BAZ1B: variants seen among roughly 807,000 people sequenced by gnomAD.
BAZ1B encodes the protein bromodomain adjacent to zinc finger domain 1B.
BAZ1B carries 22 observed loss-of-function variants against 153.8 expected under a neutral mutation model. The observed-to-expected ratio is 0.14, with a 90% CI of 0.10 to 0.20. The LOEUF is 0.20. Among genes scored for constraint, BAZ1B ranks in the 10% least tolerant of loss-of-function variants. BAZ1B has a pLI of 1.00. For synonymous variants in BAZ1B, 676 were observed against 633.4 expected, an observed-to-expected ratio of 1.07 and a Z score of -1.01; for missense variants, 1,325 against 1,799.3, an observed-to-expected ratio of 0.74 and a Z score of 4.77.
chr7:73,508,939 G>C (rs1342526078), intron 2 of BAZ1B, among the ~76,000 whole-genome samples: 2 of 151,798 alleles, frequency 1.3e-5, no homozygotes, highest in African/African-American at 4.8e-5. Context: ...CATGAACCCA[G>C]GAAGCGGAGC....
intron 4 of BAZ1B, among the ~76,000 whole-genome samples, chr7:73,493,390 G>C (rs561313268): frequency 1.2e-4 from 18 of 152,096 alleles, no homozygotes; most frequent in African/African-American, 4.1e-4. Context: ...AACCCGGGAG[G>C]CAGAGGTTGC....
At chr7:73,483,491 T>G (rs1177554747) in intron 6 of BAZ1B, among the ~76,000 whole-genome samples, 4 of 152,224 alleles carry the variant, frequency 2.6e-5, no homozygotes, top group African/African-American at 9.6e-5. Context: ...ATTAGCAAGT[T>G]TGCAAAATTT....
chr7:73,478,790 G>C (rs1789089841), intron 6 of BAZ1B, among the ~76,000 whole-genome samples: 2 of 152,064 alleles, frequency 1.3e-5, no homozygotes, highest in South Asian at 4.1e-4. Context: ...CTTAATACTA[G>C]ACATTTTTGC....
intron 12 of BAZ1B, 94 bp downstream of exon 12, chr7:73,462,828 G>A: frequency 7.5e-7 from 1 of 1,327,492 alleles, no homozygotes; most frequent in South Asian, 1.2e-5. Context: ...TGATTTCCAG[G>A]AGGGTCATGT....
intron 1 of BAZ1B, among the ~76,000 whole-genome samples, chr7:73,511,396 G>A (rs1201364504): frequency 6.6e-6 from 1 of 151,974 alleles, no homozygotes; most frequent in Non-Finnish European, 1.5e-5. Context: ...AGACTGGGAT[G>A]ATCACGTCTC....
At chr7:73,507,650 A>C (rs1194095978) in intron 3 of BAZ1B, among the ~76,000 whole-genome samples, 1 of 152,228 alleles carries the variant, frequency 6.6e-6, no homozygotes, top group East Asian at 1.9e-4. Context: ...CAGTACAACA[A>C]AGTGTTGCAA....
chr7:73,466,409 A>G lies in BAZ1B; in HGVS notation c.2867-8T>C, dbSNP rs1554571171. 1.3e-6 allele frequency: 2 copies of G among 1,595,072 alleles called. No individual in the cohort carries two copies. The highest frequency in any genetic ancestry group is 1.1e-5 in the South Asian group (1 of 90,706). ...CTAAGTTTGCTTTCTTACCTAAGAA[A>G]AATTGAGACATTAGGTTGACTTTAG... On this transcript the variant is annotated splice_polypyrimidine_tract_variant and splice_region_variant and intron_variant, in intron 9 of 19. Transcript: ENST00000339594.
intron 4 of BAZ1B, among the ~76,000 whole-genome samples, chr7:73,494,591 C>CA (rs1235659668): frequency 7.3e-5 from 11 of 151,184 alleles, no homozygotes; most frequent in African/African-American, 2.2e-4. Context: ...AACAAACAAA[C>CA]AAAAAAAATT....
intron 6 of BAZ1B, among the ~76,000 whole-genome samples, chr7:73,487,289 G>A (rs192311647): frequency 3.5e-4 from 53 of 152,246 alleles, no homozygotes; most frequent in Non-Finnish European, 5.6e-4. Context: ...TCAGCTGGGC[G>A]TGGTGGTACG....
intron 13 of BAZ1B, among the ~76,000 whole-genome samples, chr7:73,456,500 T>C (rs1788204542): frequency 6.6e-6 from 1 of 152,172 alleles, no homozygotes; most frequent in African/African-American, 2.4e-5. Context: ...CTTGAATATA[T>C]ATTTCTCCAA....
chr7:73,519,018 C>A (rs952268338), intron 1 of BAZ1B, among the ~76,000 whole-genome samples: 41 of 152,242 alleles, frequency 2.7e-4, no homozygotes, highest in Admixed American at 2.4e-3. Context: ...TAGTGTCCTG[C>A]CTGTGGGAAT....
chr7:73,477,724 C>A lies in BAZ1B; in HGVS notation c.1737G>T (p.Arg579=), dbSNP rs1401631236. The A allele has an allele frequency of 2.5e-6, 4 of 1,614,066 alleles. No individual in the cohort carries two copies. Among genetic ancestry groups the A allele is most frequent in the Non-Finnish European group, 3.4e-6 (4 of 1,180,048 alleles). The part of the protein sequence containing the change: ...EMLERLEKQK[R]YEDQELTGKN... ...TGCCAGTTAACTCTTGGTCCTCATA[C>A]CGCTTCTGTTTTTCTAATCTCTCAA... The change falls in exon 7 of 20, where the codon CGG becomes CGT. Residue 579 remains arginine (R), a synonymous_variant. Coordinates refer to ENST00000339594, the MANE Select transcript of BAZ1B (RefSeq NM_032408.4). The surrounding 1 kb of genome is among the most constrained non-coding windows in gnomAD (Gnocchi z 5.6).
intron 13 of BAZ1B, among the ~76,000 whole-genome samples, chr7:73,455,315 G>C (rs1200021006): frequency 1.3e-5 from 2 of 152,042 alleles, no homozygotes; most frequent in Non-Finnish European, 2.9e-5. Flanking sequence ...CTAAAATTAG[G>C]GACAATATTC....
chr7:73,474,679 G>A (rs1252283660), intron 7 of BAZ1B, among the ~76,000 whole-genome samples: 4 of 152,296 alleles, frequency 2.6e-5, no homozygotes, highest in East Asian at 1.9e-4. Context: ...GGAGGCTGAG[G>A]CAAGAGAATC....
chr7:73,469,570 T>A lies in BAZ1B; in HGVS notation c.2813A>T (p.Asn938Ile), dbSNP rs148624424. ...WVHDSIDYRFNHHCKDHTVSG... is the reference protein window; with the variant it reads ...WVHDSIDYRFIHHCKDHTVSG... ...GACTGTGTGGTCTTTGCAGTGATGG[T>A]TGAATCGGTAGTCAATGCTGTCATG... Residue 938 changes from asparagine to isoleucine, a missense_variant, in exon 9 of 20, where the codon AAC (asparagine) becomes ATC (isoleucine). By Grantham distance (149) the Asn-to-Ile change is moderately radical. Coordinates refer to ENST00000339594, the MANE Select transcript of BAZ1B (RefSeq NM_032408.4). 6.2e-7 allele frequency: 1 copy of A among 1,614,162 alleles called. No homozygotes were observed. The highest frequency in any genetic ancestry group is 1.3e-5 in the African/African-American group (1 of 75,044).
chr7:73,510,961 T>C (rs1247152740), intron 1 of BAZ1B, 109 bp from the exon 2 acceptor site: 12 of 883,254 alleles, frequency 1.4e-5, no homozygotes, highest in Non-Finnish European at 2.0e-5. Context: ...TTAAAATGTG[T>C]AGCATGAGAG....
rs535601562 is a variant in BAZ1B, at chr7:73,450,608, G to T, written c.3580+239C>A. Among the ~76,000 whole-genome samples, 4 of 152,274 alleles carry T rather than the reference G, an allele frequency of 2.6e-5. No homozygotes were observed. Among genetic ancestry groups the T allele is most frequent in the African/African-American group, 9.6e-5 (4 of 41,570 alleles). On this transcript the variant is annotated intron_variant, in intron 14 of 19. Coordinates refer to ENST00000339594, the MANE Select transcript of BAZ1B (RefSeq NM_032408.4). This position sits in a 1 kb window ranked among gnomAD's most constrained non-coding sequence, Gnocchi z 4.1. The stretch of plus-strand genomic sequence containing the variant: ...TAATTTTGTTTTCTGTAAAAAATCA[G>T]AAGATTGAAGAGATCAATTGCTTTT...
chr7:73,481,294 G>A (rs1007601333), intron 6 of BAZ1B, among the ~76,000 whole-genome samples: 16 of 152,068 alleles, frequency 1.1e-4, no homozygotes, highest in East Asian at 5.9e-4. Flanking sequence ...CTGGGAGGCC[G>A]AGGCAGGCGG....
chr7:73,451,192 T>C (rs987921017), intron 13 of BAZ1B, among the ~76,000 whole-genome samples, 198 bp from the exon 14 acceptor site: 8 of 151,742 alleles, frequency 5.3e-5, no homozygotes, highest in Admixed American at 5.3e-4. Context: ...TGCAGTGGAG[T>C]GGGTGGATGA....
Sources: gnomAD v4.1 joint callset for allele counts (sites outside exome capture counted in the v4.1 genomes callset) on GRCh38, gnomAD v4.1.1 for gene constraint, Gnocchi (gnomAD v3.1) non-coding constraint, MANE v1.5 for transcripts, NCBI Gene and HGNC (gene_info 2026-07-23, HGNC 2026-07-21) for gene names.